UBE2W: variants seen among roughly 807,000 people sequenced by gnomAD.
UBE2W encodes the protein ubiquitin-conjugating enzyme E2 W.
Under a neutral mutation model 27.2 loss-of-function variants are expected in UBE2W, and 18 were observed. The ratio of observed to expected loss-of-function variants is 0.66; its 90% CI spans 0.46 to 0.98. The LOEUF (loss-of-function observed/expected upper bound fraction) is 0.98. UBE2W is among the 50% of genes least tolerant of loss of function. UBE2W has a pLI of 0.00. For synonymous variants in UBE2W, 53 were observed against 57.2 expected (o/e 0.93, Z 0.33); for missense variants, 90 against 180.2 (o/e 0.50, Z 2.87).
chr8:73,878,503 G>T (rs1812337494), intron 1 of UBE2W, among the ~76,000 whole-genome samples: 2 of 152,198 alleles, frequency 1.3e-5, no homozygotes, highest in South Asian at 4.1e-4. Context: ...GCCCGTGTGT[G>T]TGTGCGGGGA....
In UBE2W at chr8:73,788,565, T is replaced by C. The variant is rs1468054932; in HGVS notation, c.*5537A>G. On this transcript the variant is annotated 3_prime_UTR_variant, in exon 6 of 6. Transcript: ENST00000602593. ...TGAAAAGATGCATTTTCATGGTATC[T>C]GACACAATTTACCAAGTTCCTTATG... 6 of 985,466 alleles carry C rather than the reference T, an allele frequency of 6.1e-6. No individual in the cohort carries two copies. In the African/African-American group the frequency reaches 1.0e-4, roughly 17 times the overall value. 61.0% of individuals were successfully genotyped at this position (985,466 alleles called of 1,614,324 possible).
Position 73,787,865 on chromosome 8 carries a change from T to G in UBE2W, c.*6237A>C. ...CCTGGGTCTCCATTTCCATCTTCAC[T>G]GAAAACACTCAGTCTTTAGTTGGGA... On this transcript the variant is annotated 3_prime_UTR_variant, in exon 6 of 6. Coordinates refer to ENST00000602593, the MANE Select transcript of UBE2W (RefSeq NM_018299.6). 1 of 985,446 alleles carries G rather than the reference T, an allele frequency of 1.0e-6. No homozygotes were observed. The highest frequency in any genetic ancestry group is 1.2e-6 in the Non-Finnish European group (1 of 829,932). The allele number at this position is 985,446 out of a possible 1,614,324, so 61.0% of individuals were successfully genotyped here.
At chr8:73,822,601 G>GAAAAA (rs1809660519) in intron 3 of UBE2W, among the ~76,000 whole-genome samples, 2 of 5,168 alleles carry the variant, frequency 3.9e-4, no homozygotes, top group Admixed American at 4.9e-3. Context: ...TCTTGCAACT[G>GAAAAA]CAAAAAAAAA....
chr8:73,842,862 C>T (rs1213196540), intron 1 of UBE2W, among the ~76,000 whole-genome samples: 6 of 152,220 alleles, frequency 3.9e-5, no homozygotes, highest in Admixed American at 2.6e-4. Context: ...GATGAAAACA[C>T]ATTCACACAA....
intron 1 of UBE2W, among the ~76,000 whole-genome samples, chr8:73,839,500 A>G (rs1179506744): frequency 6.6e-6 from 1 of 151,934 alleles, no homozygotes; most frequent in Non-Finnish European, 1.5e-5. Flanking sequence ...AAACAAAATT[A>G]CAAAAAATCA....
intron 1 of UBE2W, among the ~76,000 whole-genome samples, chr8:73,852,423 G>GA (rs966567132): frequency 9.2e-5 from 14 of 152,080 alleles, no homozygotes; most frequent in Non-Finnish European, 1.9e-4. Context: ...TGAAATATTT[G>GA]TTTTCTGAAA....
rs996114506 is a variant in UBE2W, at chr8:73,787,822, G to A, written c.*6280C>T. The stretch of plus-strand genomic sequence containing the variant: ...TGAAGTTCAGGAACATCGGACTCAC[G>A]ATAACTCTAAGCAAGTGCCTGGGTC... On this transcript the variant is annotated 3_prime_UTR_variant, in exon 6 of 6. Coordinates refer to ENST00000602593, the MANE Select transcript of UBE2W (RefSeq NM_018299.6). 6 of 985,240 alleles carry A rather than the reference G, an allele frequency of 6.1e-6. No individual in the cohort carries two copies. The highest frequency in any genetic ancestry group is 7.2e-6 in the Non-Finnish European group (6 of 829,928). 61.0% of individuals were successfully genotyped at this position (985,240 alleles called of 1,614,324 possible). A position where few individuals can be genotyped will look rare whatever the true frequency, so the allele number is the denominator to read the frequency against.
At chr8:73,809,799 G>A (rs1223105175) in intron 4 of UBE2W, among the ~76,000 whole-genome samples, 4 of 152,024 alleles carry the variant, frequency 2.6e-5, no homozygotes, top group South Asian at 2.1e-4. Flanking sequence ...AGCTGGTCTC[G>A]AACTCCTGAC....
chr8:73,795,264 C>T (rs140631546), intron 5 of UBE2W, among the ~76,000 whole-genome samples: 25 of 152,188 alleles, frequency 1.6e-4, no homozygotes, highest in African/African-American at 4.8e-4. Context: ...GGGAGGTGTT[C>T]GGGTCATGGG....
intron 1 of UBE2W, among the ~76,000 whole-genome samples, chr8:73,876,450 T>C (rs189110727): frequency 7.2e-5 from 11 of 152,256 alleles, no homozygotes; most frequent in African/African-American, 2.6e-4. Context: ...GCACTAGATA[T>C]TTTAAAATAC....
chr8:73,819,784 C>T (rs923699201), intron 3 of UBE2W, among the ~76,000 whole-genome samples: 2 of 152,078 alleles, frequency 1.3e-5, no homozygotes, highest in Non-Finnish European at 2.9e-5. Flanking sequence ...CAACATGAGA[C>T]ATAAAATATA....
chr8:73,860,001 C>T (rs1429803667), intron 1 of UBE2W, among the ~76,000 whole-genome samples: 2 of 152,058 alleles, frequency 1.3e-5, no homozygotes, highest in African/African-American at 4.8e-5. Flanking sequence ...TATACAAAGA[C>T]ACAACACATT....
chr8:73,844,381 G>A (rs181042057), intron 1 of UBE2W, among the ~76,000 whole-genome samples: 3 of 152,216 alleles, frequency 2.0e-5, no homozygotes, highest in East Asian at 1.9e-4. Context: ...GCTCCTGACC[G>A]TGAGTGATCT....
In UBE2W at chr8:73,851,739, T is replaced by G. The variant is rs571224635; in HGVS notation, c.16-21267A>C. Among the ~76,000 whole-genome samples, 8 of 152,142 alleles carry G rather than the reference T, an allele frequency of 5.3e-5. No individual in the cohort carries two copies. The East Asian group carries it at 1.4e-3, about 26-fold the overall frequency. On this transcript the variant is annotated intron_variant, in intron 1 of 5. Coordinates refer to ENST00000602593, the MANE Select transcript of UBE2W (RefSeq NM_018299.6). ...GAACAACTGGAGGAATCAAAGGACT[T>G]ACTTAGGATGCAGAATGAACTAGAT...
intron 1 of UBE2W, among the ~76,000 whole-genome samples, chr8:73,855,428 G>T (rs1168196625): frequency 1.5e-5 from 2 of 129,382 alleles, no homozygotes; most frequent in Non-Finnish European, 3.1e-5. Flanking sequence ...TTGAGACAAG[G>T]TCTCACTCTG....
chr8:73,819,567 G>A (rs1482648725), intron 3 of UBE2W, among the ~76,000 whole-genome samples: 1 of 152,078 alleles, frequency 6.6e-6, no homozygotes, highest in Non-Finnish European at 1.5e-5. Context: ...CTGTATCCTA[G>A]CATAAAAAAG....
At chr8:73,878,583 C>T (rs901421746) in intron 1 of UBE2W, among the ~76,000 whole-genome samples, 2 of 152,224 alleles carry the variant, frequency 1.3e-5, no homozygotes, top group Non-Finnish European at 2.9e-5. Flanking sequence ...ACCCAACTTC[C>T]CGGCCGGCTG....
intron 5 of UBE2W, among the ~76,000 whole-genome samples, chr8:73,794,707 A>C (rs951162613): frequency 6.6e-6 from 1 of 152,054 alleles, no homozygotes; most frequent in Non-Finnish European, 1.5e-5. Context: ...TTTTGAGACC[A>C]GCCTGGCCAA....
At position 73,790,081 on chromosome 8, in the gene UBE2W, T is replaced by A; in HGVS notation, c.*4021A>T. On this transcript the variant is annotated 3_prime_UTR_variant, in exon 6 of 6. Coordinates refer to ENST00000602593, the MANE Select transcript of UBE2W (RefSeq NM_018299.6). ...ATCTACTGACAAACTGAAATTAGTA[T>A]CAGAAACTCCATGTATTTTATTTGT... 1.0e-6 allele frequency: 1 copy of A among 984,978 alleles called. No individual in the cohort carries two copies. The highest frequency in any genetic ancestry group is 6.2e-5 in the Admixed American group (1 of 16,256). 61.0% of individuals were successfully genotyped at this position (984,978 alleles called of 1,614,324 possible). A position where few individuals can be genotyped will look rare whatever the true frequency, so the allele number is the denominator to read the frequency against.
Sources: allele counts gnomAD v4.1 joint callset (sites outside exome capture counted in the v4.1 genomes callset), GRCh38; gene constraint gnomAD v4.1.1; transcripts MANE v1.5; gene names NCBI Gene and HGNC (gene_info 2026-07-23, HGNC 2026-07-21).